C1orf21: variants seen among roughly 807,000 people sequenced by gnomAD.
The protein encoded by C1orf21 is uncharacterized protein C1orf21.
C1orf21 carries 3 observed loss-of-function variants against 18.7 expected under a neutral mutation model. The ratio of observed to expected loss-of-function variants is 0.16; its 90% confidence interval spans 0.07 to 0.42. The LOEUF is 0.42. C1orf21 is among the 10% of genes least tolerant of loss of function. The pLI, the probability that C1orf21 is intolerant of heterozygous loss-of-function variation, is 0.99. For synonymous variants in C1orf21, 41 were observed against 46.4 expected, an observed-to-expected ratio of 0.88 and a Z score of 0.47; for missense variants, 104 against 143.6, an observed-to-expected ratio of 0.72 and a Z score of 1.41.
intron 1 of C1orf21, among the ~76,000 whole-genome samples, chr1:184,423,092 G>C (rs960677239): frequency 1.3e-5 from 2 of 152,188 alleles, no homozygotes; most frequent in Non-Finnish European, 2.9e-5. Context: ...TTGTTATAAA[G>C]AGCCAAGGAG....
intron 5 of C1orf21, among the ~76,000 whole-genome samples, chr1:184,602,802 A>G (rs775051659): frequency 2.0e-5 from 3 of 152,256 alleles, no homozygotes; most frequent in Admixed American, 6.5e-5. Context: ...CAATAATAGT[A>G]TCTTCTACAG....
intron 2 of C1orf21, among the ~76,000 whole-genome samples, chr1:184,488,491 A>G (rs1657766189): frequency 1.3e-5 from 2 of 152,228 alleles, no homozygotes; most frequent in Non-Finnish European, 2.9e-5. Context: ...TAATGGGATA[A>G]ATGCATCCAT....
chr1:184,409,381 G>A (rs540432839), intron 1 of C1orf21, among the ~76,000 whole-genome samples: 3 of 152,280 alleles, frequency 2.0e-5, no homozygotes, highest in Admixed American at 2.0e-4. Context: ...GTGGGGTGAG[G>A]AATGTGGGCT....
chr1:184,398,888 A>G (rs1451725796), intron 1 of C1orf21, among the ~76,000 whole-genome samples: 3 of 152,222 alleles, frequency 2.0e-5, no homozygotes, highest in African/African-American at 7.2e-5. Flanking sequence ...TGACCAAAAC[A>G]TGGTTATGTG....
chr1:184,610,462 A>T (rs1374495468), intron 5 of C1orf21, among the ~76,000 whole-genome samples: 1 of 152,136 alleles, frequency 6.6e-6, no homozygotes, highest in Non-Finnish European at 1.5e-5. Context: ...CCATGTCTTT[A>T]TCCTCACTCC....
chr1:184,568,539 G>A, intron 3 of C1orf21: 1 of 430,404 alleles, frequency 2.3e-6, no homozygotes, highest in Non-Finnish European at 4.8e-6. Flanking sequence ...CAACCTAAAA[G>A]TCTTATGGTG....
intron 1 of C1orf21, among the ~76,000 whole-genome samples, chr1:184,397,120 G>A (rs1304422880): frequency 1.3e-5 from 2 of 152,162 alleles, no homozygotes; most frequent in Non-Finnish European, 2.9e-5. Context: ...CTCAAACCAG[G>A]CAAGTGTGGT....
chr1:184,610,474 G>C (rs1659713299), intron 5 of C1orf21, among the ~76,000 whole-genome samples: 1 of 152,126 alleles, frequency 6.6e-6, no homozygotes, highest in African/African-American at 2.4e-5. Flanking sequence ...CCTCACTCCT[G>C]CTCACCTCCT....
At chr1:184,561,796 T>G (rs1658969262) in intron 3 of C1orf21, among the ~76,000 whole-genome samples, 1 of 152,100 alleles carries the variant, frequency 6.6e-6, no homozygotes, top group Admixed American at 6.5e-5. Context: ...TTTTGTATTT[T>G]TAGTAGAGAC....
intron 1 of C1orf21, among the ~76,000 whole-genome samples, chr1:184,447,253 T>C (rs1011277558): frequency 2.0e-5 from 3 of 152,198 alleles, no homozygotes; most frequent in Non-Finnish European, 2.9e-5. Context: ...CTTCGAAGGA[T>C]CTGTCATTCC....
chr1:184,461,048 C>T (rs991360560), intron 1 of C1orf21, among the ~76,000 whole-genome samples: 5 of 152,078 alleles, frequency 3.3e-5, no homozygotes, highest in African/African-American at 1.2e-4. Flanking sequence ...TTGTCAGTAT[C>T]AGCACCTCAC....
At position 184,625,449 on chromosome 1, in the gene C1orf21, A is replaced by G. The variant is rs945002265; in HGVS notation, c.*5893A>G. On this transcript the variant is annotated 3_prime_UTR_variant, in exon 6 of 6. Coordinates refer to ENST00000235307, the MANE Select transcript of C1orf21 (RefSeq NM_030806.4). ...AGCCAGTTTTTCCATTCAAACCAAG[A>G]TGCAAATTCATAAAATTACTCTTTT... 1.3e-5 allele frequency: 2 copies of G among 152,652 alleles called. No homozygotes were observed. The highest frequency in any genetic ancestry group is 1.3e-4 in the Admixed American group (2 of 15,280). The allele number at this position is 152,652 out of a possible 1,614,324, so 9.5% of individuals were successfully genotyped here. A position where few individuals can be genotyped will look rare whatever the true frequency, so the allele number is the denominator to read the frequency against.
intron 1 of C1orf21, among the ~76,000 whole-genome samples, chr1:184,418,191 G>A (rs1342403687): frequency 6.6e-6 from 1 of 151,896 alleles, no homozygotes; most frequent in Admixed American, 6.6e-5. Flanking sequence ...CTGAATCAGA[G>A]GAAAGAACCT....
At chr1:184,563,333 T>C (rs1453781868) in intron 3 of C1orf21, among the ~76,000 whole-genome samples, 1 of 152,244 alleles carries the variant, frequency 6.6e-6, no homozygotes, top group Non-Finnish European at 1.5e-5. Flanking sequence ...ATGTAATGAA[T>C]ACAACTTATT....
intron 5 of C1orf21, among the ~76,000 whole-genome samples, 161 bp from the exon 6 acceptor site, chr1:184,619,357 A>C (rs186933482): frequency 6.6e-6 from 1 of 152,340 alleles, no homozygotes; most frequent in African/African-American, 2.4e-5. Flanking sequence ...ATTGGCTAAC[A>C]TGTATTTATG....
At chr1:184,397,908 A>G (rs1381056633) in intron 1 of C1orf21, among the ~76,000 whole-genome samples, 3 of 152,194 alleles carry the variant, frequency 2.0e-5, no homozygotes, top group Admixed American at 1.3e-4. Context: ...AGTTACAGCA[A>G]ATGATTGCTA....
At chr1:184,486,056 G>T (rs1347292001) in intron 2 of C1orf21, among the ~76,000 whole-genome samples, 1 of 152,202 alleles carries the variant, frequency 6.6e-6, no homozygotes, top group Non-Finnish European at 1.5e-5. Flanking sequence ...CCTCAGAAAG[G>T]TCTTAATGGC....
intron 4 of C1orf21, among the ~76,000 whole-genome samples, chr1:184,596,000 A>G (rs916541243): frequency 6.6e-6 from 1 of 152,226 alleles, no homozygotes; most frequent in African/African-American, 2.4e-5. Context: ...GCTTTCCTAC[A>G]TAAGCATCCC....
At chr1:184,585,138 T>A (rs1419804145) in intron 3 of C1orf21, among the ~76,000 whole-genome samples, 2 of 152,226 alleles carry the variant, frequency 1.3e-5, no homozygotes, top group East Asian at 3.8e-4. Context: ...AAATAATTAA[T>A]AGTTCTTTTC....
Sources: allele counts gnomAD v4.1 joint callset (sites outside exome capture counted in the v4.1 genomes callset), GRCh38; gene constraint gnomAD v4.1.1; transcripts MANE v1.5; gene names NCBI Gene and HGNC (gene_info 2026-07-23, HGNC 2026-07-21).